ST6GALNAC3: variants seen among roughly 807,000 people sequenced by gnomAD.
ST6GALNAC3 encodes the protein ST6 N-acetylgalactosaminide alpha-2,6-sialyltransferase 3.
ST6GALNAC3 carries 25 observed loss-of-function variants against 32.7 expected under a neutral mutation model. That is an observed-to-expected ratio of 0.76 (90% CI 0.56 to 1.07). The LOEUF (loss-of-function observed/expected upper bound fraction) is 1.07. Among genes scored for constraint, ST6GALNAC3 ranks in the 50% least tolerant of loss-of-function variants. The pLI is 0.00. For missense variants in ST6GALNAC3, 355 were observed against 382.4 expected (o/e 0.93, Z 0.60); for synonymous variants, 129 against 133.1 (o/e 0.97, Z 0.21).
chr1:76,075,696 G>C (rs1008679704), intron 1 of ST6GALNAC3, among the ~76,000 whole-genome samples: 2 of 146,000 alleles, frequency 1.4e-5, no homozygotes, highest in African/African-American at 4.9e-5. Context: ...ACTGGTAGAG[G>C]CCTCCCCTGC....
At chr1:76,189,105 G>A (rs1653746312) in intron 1 of ST6GALNAC3, among the ~76,000 whole-genome samples, 1 of 152,236 alleles carries the variant, frequency 6.6e-6, no homozygotes, top group East Asian at 1.9e-4. Context: ...ATGGGGCCAA[G>A]AGGGTATAAG....
chr1:76,605,820 G>GTGCCAC (rs1364848605), intron 3 of ST6GALNAC3, among the ~76,000 whole-genome samples: 1 of 128,880 alleles, frequency 7.8e-6, no homozygotes, highest in Non-Finnish European at 1.5e-5. Context: ...AGCCGAGATT[G>GTGCCAC]TGCCACTGCA....
intron 1 of ST6GALNAC3, among the ~76,000 whole-genome samples, chr1:76,126,605 A>G (rs767909177): frequency 1.2e-4 from 18 of 152,160 alleles, no homozygotes; most frequent in Non-Finnish European, 2.4e-4. Context: ...TTTTGCTCTG[A>G]GACGCAGCAC....
chr1:76,470,815 G>A (rs907080938), intron 3 of ST6GALNAC3, among the ~76,000 whole-genome samples: 1 of 152,072 alleles, frequency 6.6e-6, no homozygotes, highest in Non-Finnish European at 1.5e-5. Context: ...ACATAAACTG[G>A]GTTGAGCACA....
At chr1:76,428,083 C>G (rs1418870477) in intron 3 of ST6GALNAC3, among the ~76,000 whole-genome samples, 2 of 152,062 alleles carry the variant, frequency 1.3e-5, no homozygotes, top group Non-Finnish European at 2.9e-5. Context: ...GGACCTACAT[C>G]CAGCCCCTTG....
intron 3 of ST6GALNAC3, among the ~76,000 whole-genome samples, chr1:76,416,238 C>T (rs1654616212): frequency 6.6e-6 from 1 of 152,010 alleles, no homozygotes. Flanking sequence ...CATTTTTCTC[C>T]TAAGTAAATA....
intron 1 of ST6GALNAC3, among the ~76,000 whole-genome samples, chr1:76,080,713 A>G (rs924654509): frequency 3.9e-5 from 6 of 152,126 alleles, no homozygotes; most frequent in African/African-American, 1.4e-4. Flanking sequence ...GTCTCAAAGC[A>G]TTTGAAAACA....
intron 2 of ST6GALNAC3, among the ~76,000 whole-genome samples, chr1:76,350,666 T>C (rs1648901024): frequency 6.6e-6 from 1 of 152,188 alleles, no homozygotes; most frequent in Non-Finnish European, 1.5e-5. Flanking sequence ...GCTTCATAGA[T>C]AAGCCTTGTG....
At chr1:76,398,502 T>C (rs185980796) in intron 2 of ST6GALNAC3, among the ~76,000 whole-genome samples, 194 of 152,312 alleles carry the variant, frequency 1.3e-3, no homozygotes, top group African/African-American at 4.1e-3. Context: ...TAGAGTGTTA[T>C]ATAAATCAAA....
At chr1:76,617,541 G>A (rs1350383654) in intron 3 of ST6GALNAC3, among the ~76,000 whole-genome samples, 1 of 152,250 alleles carries the variant, frequency 6.6e-6, no homozygotes, top group Non-Finnish European at 1.5e-5. Context: ...TTCAGAAAGG[G>A]CATGATTTTA....
intron 3 of ST6GALNAC3, among the ~76,000 whole-genome samples, chr1:76,555,805 G>T (rs1292066523): frequency 6.6e-6 from 1 of 151,966 alleles, no homozygotes; most frequent in Non-Finnish European, 1.5e-5. Flanking sequence ...ATTTTTAGAG[G>T]GATTCTGGGT....
At chr1:76,262,847 G>A (rs547729626) in intron 1 of ST6GALNAC3, among the ~76,000 whole-genome samples, 1 of 152,184 alleles carries the variant, frequency 6.6e-6, no homozygotes, top group East Asian at 1.9e-4. Context: ...TCAAAACTAT[G>A]GTGAGCATTC....
chr1:76,221,231 G>A lies in ST6GALNAC3; in HGVS notation c.19-92574G>A, dbSNP rs140398468. On this transcript the variant is annotated intron_variant, in intron 1 of 4. Transcript: ENST00000328299. The stretch of plus-strand genomic sequence containing the variant: ...GAGGCACACAGGTCATAATCATGTC[G>A]CATAATTTGATTAATTTCCTAAGAA... 1.9e-3 allele frequency among the ~76,000 whole-genome samples: 289 copies of A among 152,168 alleles called. 3 individuals are homozygous for A. Among genetic ancestry groups the A allele is most frequent in the African/African-American group, 5.3e-3 (222 of 41,518 alleles).
intron 3 of ST6GALNAC3, among the ~76,000 whole-genome samples, chr1:76,546,367 A>C (rs946926781): frequency 4.7e-4 from 71 of 152,208 alleles, no homozygotes; most frequent in African/African-American, 1.6e-3. Context: ...AAGGATAAAG[A>C]AGATGAACCT....
intron 1 of ST6GALNAC3, among the ~76,000 whole-genome samples, chr1:76,282,997 A>G (rs1659582969): frequency 6.6e-6 from 1 of 152,040 alleles, no homozygotes; most frequent in South Asian, 2.1e-4. Context: ...TGAGATCAAG[A>G]TCACGCCACT....
chr1:76,606,804 G>GA (rs1302208369), intron 3 of ST6GALNAC3, among the ~76,000 whole-genome samples: 4 of 146,214 alleles, frequency 2.7e-5, no homozygotes, highest in African/African-American at 1.0e-4. Flanking sequence ...GCAACTGAAA[G>GA]AAAAAAATGT....
rs182798651 is a variant in ST6GALNAC3 at position 76,256,689 on chromosome 1, G to C, written c.19-57116G>C. 5.9e-5 allele frequency among the ~76,000 whole-genome samples: 9 copies of C among 152,096 alleles called. No individual in the cohort carries two copies. In the East Asian group the frequency reaches 1.7e-3, roughly 29 times the overall value. On this transcript the variant is annotated intron_variant, in intron 1 of 4. Coordinates refer to ENST00000328299, the MANE Select transcript of ST6GALNAC3 (RefSeq NM_152996.4). ...ACGGGATGACAGCAGATATCTTCAAGGAAGTGGTTTGGAGTACATTAAGTT... is the reference window on the plus strand; with the variant it reads ...ACGGGATGACAGCAGATATCTTCAACGAAGTGGTTTGGAGTACATTAAGTT...
chr1:76,098,987 T>C (rs147514936), intron 1 of ST6GALNAC3, among the ~76,000 whole-genome samples: 71 of 152,246 alleles, frequency 4.7e-4, no homozygotes, highest in Non-Finnish European at 8.7e-4. Context: ...TACCCCAATA[T>C]GGTATCCAAT....
intron 1 of ST6GALNAC3, among the ~76,000 whole-genome samples, chr1:76,278,395 G>T (rs987402555): frequency 5.3e-5 from 8 of 151,708 alleles, no homozygotes; most frequent in Non-Finnish European, 1.0e-4. Context: ...CTAATTTTTT[G>T]TATTTTTAGT....
Sources: gnomAD v4.1 joint callset for allele counts (sites outside exome capture counted in the v4.1 genomes callset) on GRCh38, gnomAD v4.1.1 for gene constraint, MANE v1.5 for transcripts, NCBI Gene and HGNC (gene_info 2026-07-23, HGNC 2026-07-21) for gene names.